Variants in TRPC3 observed in about 807,000 individuals in gnomAD.
The protein encoded by TRPC3 is transient receptor potential cation channel subfamily C member 3.
In TRPC3, 54 loss-of-function variants were observed where a neutral mutation model predicts 90.9. The ratio of observed to expected loss-of-function variants is 0.59; its 90% confidence interval spans 0.48 to 0.75. The LOEUF (loss-of-function observed/expected upper bound fraction) is 0.75, where lower values mean the gene tolerates loss of function less well. TRPC3 is among the 30% of genes least tolerant of loss of function. The pLI is 0.00. For missense variants in TRPC3, 918 were observed against 1,194.5 expected (o/e 0.77, Z 3.41); for synonymous variants, 424 against 450.9 (o/e 0.94, Z 0.75).
intron 10 of TRPC3, among the ~76,000 whole-genome samples, chr4:121,883,416 T>A (rs1728008466): frequency 2.0e-5 from 3 of 152,112 alleles, no homozygotes. Context: ...TATCCAAATA[T>A]ATAAAGAACT....
chr4:121,923,736 G>T (rs1295582352), intron 3 of TRPC3, among the ~76,000 whole-genome samples: 1 of 152,236 alleles, frequency 6.6e-6, no homozygotes, highest in African/African-American at 2.4e-5. Context: ...AGCACATGGT[G>T]ATGTCAGGAC....
chr4:121,883,378 G>A (rs1428015420), intron 10 of TRPC3, among the ~76,000 whole-genome samples: 1 of 151,846 alleles, frequency 6.6e-6, no homozygotes, highest in Non-Finnish European at 1.5e-5. Context: ...AGAAAATATT[G>A]GTAATGCTTG....
In TRPC3 at chr4:121,874,899, AGGCTCAAG is replaced by A; in HGVS notation, c.*4829_*4836del. Among the ~76,000 whole-genome samples the A allele has an allele frequency of 6.6e-6, 1 of 152,242 alleles. No homozygotes were observed. Among genetic ancestry groups the A allele is most frequent in the East Asian group, 1.9e-4 (1 of 5,186 alleles). ...TGTAGTCTCAGCTATTTGAAGGCTG[AGGCTCAAG>A]ATTGCTTGAGCCCAACAATCCAGCC... On this transcript the variant is annotated 3_prime_UTR_variant, in exon 12 of 12. Coordinates refer to ENST00000379645, the MANE Select transcript of TRPC3 (RefSeq NM_001130698.2).
intron 1 of TRPC3, among the ~76,000 whole-genome samples, chr4:121,946,772 T>A (rs1207956168): frequency 1.3e-5 from 2 of 152,196 alleles, no homozygotes; most frequent in Admixed American, 1.3e-4. Context: ...TATCTAACTT[T>A]TAAAACTATT....
At chr4:121,915,091 A>C (rs1578629795) in intron 3 of TRPC3, 147 bp from the exon 4 acceptor site, 1 of 645,610 alleles carries the variant, frequency 1.5e-6, no homozygotes, top group East Asian at 3.1e-5. Context: ...TTCTGGTAAT[A>C]TTCTTCTTAG....
At position 121,932,430 on chromosome 4, in the gene TRPC3, C is replaced by T. The variant is rs1249692213; in HGVS notation, c.828G>A (p.Gln276=). The T allele has an allele frequency of 2.5e-6, 4 of 1,614,080 alleles. No individual in the cohort carries two copies. The highest frequency in any genetic ancestry group is 1.3e-5 in the African/African-American group (1 of 74,952). ...GTGAGTGGCTGAAGGAGTCGTGCCT[C>T]TGCTTCTCCATGCAGTCCCCGCACT... ...FCKCGDCMEK[Q]RHDSFSHSRS... Residue 276 remains glutamine (Q), a synonymous_variant, in exon 2 of 12, where the codon CAG becomes CAA. Coordinates refer to ENST00000379645, the MANE Select transcript of TRPC3 (RefSeq NM_001130698.2). The surrounding 1 kb of genome is among the most constrained non-coding windows in gnomAD (Gnocchi z 7.7).
At chr4:121,939,611 C>T (rs560233775) in intron 1 of TRPC3, among the ~76,000 whole-genome samples, 1 of 152,330 alleles carries the variant, frequency 6.6e-6, no homozygotes, top group South Asian at 2.1e-4. Context: ...CTCAAGCCAC[C>T]CTCAGCTCCT....
At position 121,902,903 on chromosome 4, in the gene TRPC3, CCTT is replaced by C. The variant is rs775975670; in HGVS notation, c.2409_2411del (p.Arg806del). ...TTTCTATATCCTTCTGAAGCCTTCTCCTTCTGCATTTGGGAAAGTTAACAATTC... is the reference window on the plus strand; with the variant it reads ...TTTCTATATCCTTCTGAAGCCTTCTCCTGCATTTGGGAAAGTTAACAATTC... On this transcript the variant is annotated inframe_deletion, in exon 9 of 12. Coordinates refer to ENST00000379645, the MANE Select transcript of TRPC3 (RefSeq NM_001130698.2). 1.2e-6 allele frequency: 2 copies of C among 1,613,264 alleles called. No homozygotes were observed. Among genetic ancestry groups the C allele is most frequent in the African/African-American group, 2.7e-5 (2 of 74,858 alleles).
At chr4:121,933,944 A>G (rs186204236) in intron 1 of TRPC3, among the ~76,000 whole-genome samples, 1 of 152,324 alleles carries the variant, frequency 6.6e-6, no homozygotes, top group African/African-American at 2.4e-5. Context: ...TTTAATTACT[A>G]GTATTATATA....
Position 121,876,592 on chromosome 4 carries a change from A to G in TRPC3, c.*3144T>C, listed in dbSNP as rs1727768999. On this transcript the variant is annotated 3_prime_UTR_variant, in exon 12 of 12. Coordinates refer to ENST00000379645, the MANE Select transcript of TRPC3 (RefSeq NM_001130698.2). ...ACATTTGAAATATAAATATATTGAC[A>G]TATTGGGTAAGATAGTTATCCTAAA... Among the ~76,000 whole-genome samples the G allele has an allele frequency of 6.6e-6, 1 of 152,218 alleles. No homozygotes were observed.
chr4:121,907,196 G>A lies in TRPC3; in HGVS notation c.2057+107C>T, dbSNP rs945180670. The A allele has an allele frequency of 1.1e-5, 12 of 1,069,170 alleles. No individual in the cohort carries two copies. In the African/African-American group the frequency reaches 1.6e-4, roughly 14 times the overall value. The allele number at this position is 1,069,170 out of a possible 1,614,324, so 66.2% of individuals were successfully genotyped here. ...AACTGTTTTTGATGGATTATTTTCT[G>A]TGCTTAAAAACATCTTTATTACAAT... On this transcript the variant is annotated intron_variant, in intron 7 of 11. Transcript: ENST00000379645.
chr4:121,927,777 G>T (rs1729771074), intron 2 of TRPC3, among the ~76,000 whole-genome samples: 1 of 152,108 alleles, frequency 6.6e-6, no homozygotes, highest in African/African-American at 2.4e-5. Context: ...CAGATAAAAT[G>T]AATAAAACTT....
At chr4:121,924,187 A>G (rs1394379716) in intron 3 of TRPC3, among the ~76,000 whole-genome samples, 1 of 152,188 alleles carries the variant, frequency 6.6e-6, no homozygotes, top group African/African-American at 2.4e-5. Flanking sequence ...CCCATCATCT[A>G]TCTGATGTAT....
intron 1 of TRPC3, among the ~76,000 whole-genome samples, chr4:121,935,093 T>C (rs1013025703): frequency 2.0e-5 from 3 of 152,254 alleles, no homozygotes; most frequent in Admixed American, 6.5e-5. Context: ...GAAGGGGGAC[T>C]TTCACTTTTT....
At chr4:121,914,636 A>C in intron 4 of TRPC3, 144 bp downstream of exon 4, 1 of 900,320 alleles carries the variant, frequency 1.1e-6, no homozygotes, top group Non-Finnish European at 1.5e-6. Flanking sequence ...TGATCCAGTA[A>C]TTAAAAAGGA....
intron 10 of TRPC3, among the ~76,000 whole-genome samples, chr4:121,885,012 T>A (rs1728064303): frequency 1.3e-5 from 2 of 152,106 alleles, no homozygotes; most frequent in African/African-American, 4.8e-5. Context: ...ATTATGTGTA[T>A]CAGTTGAAAG....
At chr4:121,892,360 G>A (rs1342765982) in intron 10 of TRPC3, among the ~76,000 whole-genome samples, 1 of 152,130 alleles carries the variant, frequency 6.6e-6, no homozygotes, top group Admixed American at 6.5e-5. Context: ...GGTGGTTTGT[G>A]CAACTTTACA....
chr4:121,906,920 C>T (rs779479006), intron 7 of TRPC3, among the ~76,000 whole-genome samples: 5 of 151,984 alleles, frequency 3.3e-5, no homozygotes, highest in South Asian at 2.1e-4. Flanking sequence ...CTTCCTGTAC[C>T]GATCAATGAA....
intron 6 of TRPC3, among the ~76,000 whole-genome samples, chr4:121,908,843 G>A (rs1005081313): frequency 6.6e-6 from 1 of 152,026 alleles, no homozygotes; most frequent in South Asian, 2.1e-4. Flanking sequence ...TAACAAACCT[G>A]CACATGTGCC....
Sources: allele counts gnomAD v4.1 joint callset (sites outside exome capture counted in the v4.1 genomes callset), GRCh38; gene constraint gnomAD v4.1.1; non-coding constraint Gnocchi (gnomAD v3.1); transcripts MANE v1.5; gene names NCBI Gene and HGNC (gene_info 2026-07-23, HGNC 2026-07-21).